Variants in SLFN12L observed in about 807,000 individuals in gnomAD.
The protein encoded by SLFN12L is schlafen family member 12-like.
Under a neutral mutation model 34.8 loss-of-function variants are expected in SLFN12L, and 34 were observed. The ratio of observed to expected loss-of-function variants is 0.98; its 90% CI spans 0.74 to 1.30. SLFN12L has a LOEUF of 1.30. Among genes scored for constraint, SLFN12L ranks in the 50% most tolerant of loss-of-function variants. The pLI is 0.00. For synonymous variants in SLFN12L, 259 were observed against 247.5 expected, an observed-to-expected ratio of 1.05 and a Z score of -0.44; for missense variants, 703 against 696.2, an observed-to-expected ratio of 1.01 and a Z score of -0.11.
Position 35,479,379 on chromosome 17 carries a change from C to T in SLFN12L, c.903G>A (p.Lys301=), listed in dbSNP as rs879108227. ...GFKAEKSYLT[K]LEEVTKNSIG... ...TGGAATTTTTTGTTACTTCTTCTAA[C>T]TTAGTAAGATAACTCTTCTCTGCTT... Residue 301 remains lysine, a synonymous_variant, in exon 3 of 5, where the codon AAG becomes AAA. Transcript: ENST00000628453. The T allele has an allele frequency of 8.1e-6, 13 of 1,604,930 alleles. No individual in the cohort carries two copies. The highest frequency in any genetic ancestry group is 1.3e-5 in the African/African-American group (1 of 74,800).
chr17:35,518,730 A>G (rs1172977340), intron 2 of SLFN12L, among the ~76,000 whole-genome samples: 1 of 152,192 alleles, frequency 6.6e-6, no homozygotes, highest in Admixed American at 6.5e-5. Context: ...AGAAATAGGA[A>G]CACTTTTACA....
chr17:35,469,302 AAAATATATATATATTATATATAT>A lies in SLFN12L; in HGVS notation c.*5598_*5620del, dbSNP rs1913764636. Among the ~76,000 whole-genome samples, 1 of 136,780 alleles carries A rather than the reference AAAATATATATATATTATATATAT, an allele frequency of 7.3e-6. No individual in the cohort carries two copies. Among genetic ancestry groups the A allele is most frequent in the Non-Finnish European group, 1.5e-5 (1 of 65,588 alleles). The allele number at this position is 136,780 out of a possible 152,430, so 89.7% of individuals were successfully genotyped here. A position where few individuals can be genotyped will look rare whatever the true frequency, so the allele number is the denominator to read the frequency against. ...TGTTTTATATAAAATATATATATAT[AAAATATATATATATTATATATAT>A]AAATATATATATAATATATATATAT... On this transcript the variant is annotated 3_prime_UTR_variant, in exon 5 of 5. Transcript: ENST00000628453.
At chr17:35,516,329 C>A (rs1198462803) in intron 2 of SLFN12L, among the ~76,000 whole-genome samples, 1 of 152,202 alleles carries the variant, frequency 6.6e-6, no homozygotes, top group Non-Finnish European at 1.5e-5. Flanking sequence ...CCTCAGTGCA[C>A]CAGGCATTAG....
chr17:35,521,230 C>T (rs1915986253), intron 2 of SLFN12L, among the ~76,000 whole-genome samples: 2 of 152,024 alleles, frequency 1.3e-5, no homozygotes, highest in Admixed American at 1.3e-4. Context: ...CATATGGCAT[C>T]CTGGATGGGA....
At chr17:35,507,919 A>T (rs1253881943) in intron 2 of SLFN12L, among the ~76,000 whole-genome samples, 2 of 152,186 alleles carry the variant, frequency 1.3e-5, no homozygotes, top group Non-Finnish European at 2.9e-5. Flanking sequence ...AAGGGAGGAG[A>T]CCACCCCTCA....
intron 4 of SLFN12L, among the ~76,000 whole-genome samples, chr17:35,476,513 G>A (rs77677496): frequency 0.019 from 2,481 of 128,844 alleles, 72 homozygotes; most frequent in East Asian, 0.13. Context: ...AAGGAAGGAA[G>A]GAAGGAAAGA....
chr17:35,476,207 C>G (rs1003508196), intron 4 of SLFN12L, among the ~76,000 whole-genome samples: 4 of 151,948 alleles, frequency 2.6e-5, no homozygotes, highest in Non-Finnish European at 5.9e-5. Flanking sequence ...GAAACAAAAT[C>G]CCAGAGAAGA....
At chr17:35,524,732 A>C (rs1443221701) in intron 1 of SLFN12L, among the ~76,000 whole-genome samples, 1 of 152,186 alleles carries the variant, frequency 6.6e-6, no homozygotes, top group Non-Finnish European at 1.5e-5. Flanking sequence ...AAGGTAGATA[A>C]ATCCATGAAG....
At position 35,467,690 on chromosome 17, in the gene SLFN12L, C is replaced by CT. The variant is rs1567635111; in HGVS notation, c.*7232_*7233insA. On this transcript the variant is annotated 3_prime_UTR_variant, in exon 5 of 5. Transcript: ENST00000628453. ...TTATAGATTTTCAATATCAAACCCC[C>CT]CCCATCAGGAGGCCACAGCAGGTGT... 1.3e-5 allele frequency among the ~76,000 whole-genome samples: 2 copies of CT among 151,820 alleles called. No individual in the cohort carries two copies. Among genetic ancestry groups the CT allele is most frequent in the Admixed American group, 6.6e-5 (1 of 15,256 alleles).
chr17:35,481,774 G>T (rs551909134), intron 2 of SLFN12L, among the ~76,000 whole-genome samples: 1 of 152,192 alleles, frequency 6.6e-6, no homozygotes, highest in Non-Finnish European at 1.5e-5. Flanking sequence ...CTCCGCACAC[G>T]AGGAGAAAAA....
intron 2 of SLFN12L, among the ~76,000 whole-genome samples, chr17:35,517,233 C>T (rs1166652762): frequency 6.6e-6 from 1 of 152,160 alleles, no homozygotes; most frequent in East Asian, 1.9e-4. Flanking sequence ...AAAAAAAAAT[C>T]ACAAGCATTC....
intron 1 of SLFN12L, among the ~76,000 whole-genome samples, chr17:35,529,008 A>G (rs2072365033): frequency 6.6e-6 from 1 of 152,210 alleles, no homozygotes; most frequent in Non-Finnish European, 1.5e-5. Flanking sequence ...AAAAAAACAA[A>G]CAACCCCATC....
intron 2 of SLFN12L, among the ~76,000 whole-genome samples, chr17:35,502,309 C>T (rs1397725239): frequency 6.8e-6 from 1 of 148,008 alleles, no homozygotes; most frequent in East Asian, 2.0e-4. Flanking sequence ...GGCCCAAATG[C>T]ATTCAATCTG....
intron 1 of SLFN12L, among the ~76,000 whole-genome samples, chr17:35,531,305 G>C (rs2072408723): frequency 6.6e-6 from 1 of 152,064 alleles, no homozygotes; most frequent in Non-Finnish European, 1.5e-5. Context: ...AAATAAAATG[G>C]TGGTTGATGC....
chr17:35,494,186 G>A (rs1437333373), intron 2 of SLFN12L, among the ~76,000 whole-genome samples: 1 of 151,692 alleles, frequency 6.6e-6, no homozygotes, highest in African/African-American at 2.4e-5. Flanking sequence ...GTTTAGCTTT[G>A]TGTTGTATGC....
intron 2 of SLFN12L, among the ~76,000 whole-genome samples, chr17:35,492,969 ACAC>A (rs760998173): frequency 0.061 from 9,200 of 150,268 alleles, 422 homozygotes; most frequent in East Asian, 0.16. Flanking sequence ...GAAAAAAAAA[ACAC>A]ACACACACAC....
At chr17:35,501,491 T>C (rs916199679) in intron 2 of SLFN12L, among the ~76,000 whole-genome samples, 3 of 152,356 alleles carry the variant, frequency 2.0e-5, no homozygotes, top group East Asian at 1.9e-4. Flanking sequence ...CTTGGATTTC[T>C]TGATACTCTG....
At chr17:35,493,794 T>G (rs1199528803) in intron 2 of SLFN12L, among the ~76,000 whole-genome samples, 2 of 152,254 alleles carry the variant, frequency 1.3e-5, no homozygotes, top group Non-Finnish European at 2.9e-5. Context: ...ATTTTCATTT[T>G]TAGCAGTTTT....
chr17:35,489,838 G>T (rs1035195349), intron 2 of SLFN12L, among the ~76,000 whole-genome samples: 7 of 152,034 alleles, frequency 4.6e-5, no homozygotes, highest in African/African-American at 1.7e-4. Context: ...AATATCAATG[G>T]GGCAGAAAAC....
Sources: allele counts gnomAD v4.1 joint callset (sites outside exome capture counted in the v4.1 genomes callset), GRCh38; gene constraint gnomAD v4.1.1; transcripts MANE v1.5; gene names NCBI Gene and HGNC (gene_info 2026-07-23, HGNC 2026-07-21).